Variants in TYW3 observed in about 807,000 individuals in gnomAD.
The protein encoded by TYW3 is tRNA wybutosine-synthesizing protein 3 homolog.
TYW3 carries 26 observed loss-of-function variants against 23.1 expected under a neutral mutation model. The ratio of observed to expected loss-of-function variants is 1.13; its 90% CI spans 0.83 to 1.56. The LOEUF is 1.56. Among genes scored for constraint, TYW3 ranks in the 40% most tolerant of loss-of-function variants. The probability of loss-of-function intolerance (pLI) is 0.00; values close to 1 mark genes in which losing one functional copy is unlikely to be tolerated. For missense variants in TYW3, 316 were observed against 311.9 expected (o/e 1.01, Z -0.10); for synonymous variants, 102 against 105.7 (o/e 0.97, Z 0.21).
intron 4 of TYW3, among the ~76,000 whole-genome samples, chr1:74,749,071 C>T (rs554741309): frequency 6.6e-6 from 1 of 152,292 alleles, no homozygotes; most frequent in South Asian, 2.1e-4. Flanking sequence ...CCCTCCTCAT[C>T]CTAAGTAGGC....
chr1:74,739,290 T>C (rs1232045184), intron 3 of TYW3, among the ~76,000 whole-genome samples: 1 of 152,154 alleles, frequency 6.6e-6, no homozygotes, highest in Non-Finnish European at 1.5e-5. Context: ...GGCACAGTGA[T>C]GAACAAGATT....
chr1:74,744,866 G>A (rs1005511337), intron 3 of TYW3, among the ~76,000 whole-genome samples: 8 of 152,234 alleles, frequency 5.3e-5, no homozygotes, highest in Non-Finnish European at 1.0e-4. Flanking sequence ...ACAGACCTTC[G>A]CAGTGAGTGT....
rs944073240 is a variant in TYW3 at position 74,766,168 on chromosome 1, T to A, written c.*2055T>A. 1 of 152,024 alleles carries A rather than the reference T, an allele frequency of 6.6e-6. No individual in the cohort carries two copies. Among genetic ancestry groups the A allele is most frequent in the Non-Finnish European group, 1.5e-5 (1 of 67,918 alleles). 9.4% of individuals were successfully genotyped at this position (152,024 alleles called of 1,614,324 possible). On this transcript the variant is annotated 3_prime_UTR_variant, in exon 6 of 6. Coordinates refer to ENST00000370867, the MANE Select transcript of TYW3 (RefSeq NM_138467.3). Reference sequence around the variant, plus strand: ...GACAGTCATATAAAAGTATGGTACATATAATTATGTACAGTGCATACATAA... The same window carrying A: ...GACAGTCATATAAAAGTATGGTACAAATAATTATGTACAGTGCATACATAA...
At chr1:74,747,703 A>G (rs117986980) in intron 3 of TYW3, among the ~76,000 whole-genome samples, 2,092 of 151,526 alleles carry the variant, frequency 0.014, 24 homozygotes, top group East Asian at 0.055. Context: ...ATGTATACAT[A>G]TGTGTGTGTG....
intron 3 of TYW3, among the ~76,000 whole-genome samples, chr1:74,739,962 CT>C (rs1186816886): frequency 5.3e-5 from 8 of 152,296 alleles, no homozygotes; most frequent in African/African-American, 1.9e-4. Context: ...AGGATAACTA[CT>C]TAGGTCTGGC....
chr1:74,763,324 G>C (rs1649189862), intron 5 of TYW3, among the ~76,000 whole-genome samples: 1 of 151,954 alleles, frequency 6.6e-6, no homozygotes, highest in Non-Finnish European at 1.5e-5. Context: ...TTGTATCAGG[G>C]AAAATTTGAA....
At chr1:74,744,994 G>T (rs1454878112) in intron 3 of TYW3, among the ~76,000 whole-genome samples, 1 of 152,276 alleles carries the variant, frequency 6.6e-6, no homozygotes, top group African/African-American at 2.4e-5. Context: ...GCTCTTAAAG[G>T]TGGCGCGTCC....
intron 5 of TYW3, among the ~76,000 whole-genome samples, chr1:74,756,215 C>T (rs1449703493): frequency 1.3e-5 from 2 of 152,050 alleles, no homozygotes; most frequent in Non-Finnish European, 1.5e-5. Context: ...TGGGGCACTG[C>T]GGAAAAGATA....
Position 74,755,572 on chromosome 1 carries a change from A to G in TYW3, c.560+3147A>G, listed in dbSNP as rs112259220. Among the ~76,000 whole-genome samples, 1,219 of 152,288 alleles carry G rather than the reference A, an allele frequency of 8.0e-3. 21 individuals carry two copies. The highest frequency in any genetic ancestry group is 0.027 in the African/African-American group (1,142 of 41,550). On this transcript the variant is annotated intron_variant, in intron 5 of 5. Coordinates refer to ENST00000370867, the MANE Select transcript of TYW3 (RefSeq NM_138467.3). ...TAGACTGAATTTTGTTTATTCATTG[A>G]TGTGTCAATGGACATTTAAGGTGTC...
intron 5 of TYW3, among the ~76,000 whole-genome samples, chr1:74,760,455 C>T (rs1048832574): frequency 3.9e-5 from 6 of 152,120 alleles, no homozygotes; most frequent in African/African-American, 1.4e-4. Flanking sequence ...CCCCCATGCC[C>T]CCATCTTTTT....
chr1:74,744,008 T>C (rs879172004), intron 3 of TYW3, among the ~76,000 whole-genome samples: 1 of 152,080 alleles, frequency 6.6e-6, no homozygotes, highest in African/African-American at 2.4e-5. Context: ...TTGGGCCAAA[T>C]TCCCCTCCCG....
intron 3 of TYW3, among the ~76,000 whole-genome samples, chr1:74,744,495 C>G (rs568601445): frequency 6.6e-6 from 1 of 152,124 alleles, no homozygotes; most frequent in Non-Finnish European, 1.5e-5. Context: ...GTTTGGCTGA[C>G]AGGTGTCTGG....
In TYW3 at chr1:74,765,492, T is replaced by G. The variant is rs1367250397; in HGVS notation, c.*1379T>G. 1 of 152,110 alleles carries G rather than the reference T, an allele frequency of 6.6e-6. No homozygotes were observed. The highest frequency in any genetic ancestry group is 1.5e-5 in the Non-Finnish European group (1 of 68,020). 9.4% of individuals were successfully genotyped at this position (152,110 alleles called of 1,614,324 possible). A position where few individuals can be genotyped will look rare whatever the true frequency, so the allele number is the denominator to read the frequency against. ...GTGCACATTCTTATCTACCAACATA[T>G]ACAGCAGTCCTTCTGGGAAGGAAAT... On this transcript the variant is annotated 3_prime_UTR_variant, in exon 6 of 6. Coordinates refer to ENST00000370867, the MANE Select transcript of TYW3 (RefSeq NM_138467.3).
At position 74,763,924 on chromosome 1, in the gene TYW3, A is replaced by C; in HGVS notation, c.591A>C (p.Glu197Asp). The C allele has an allele frequency of 6.2e-7, 1 of 1,604,320 alleles. No individual in the cohort carries two copies. Among genetic ancestry groups the C allele is most frequent in the South Asian group, 1.1e-5 (1 of 88,326 alleles). ...ACAACTGCCTACAGCATGCTTTGGA[A>C]AGGGAAACGATGACTAACTTACATC... ...RFYNCLQHAL[E>D]RETMTNLHPK... The change falls in exon 6 of 6, where the codon GAA becomes GAC. Residue 197 changes from glutamate (E) to aspartate (D), a missense_variant. Glu to Asp is a conservative substitution (Grantham distance 45, BLOSUM62 2). Coordinates refer to ENST00000370867, the MANE Select transcript of TYW3 (RefSeq NM_138467.3).
At chr1:74,761,592 C>T (rs990824789) in intron 5 of TYW3, 2 of 151,810 alleles carry the variant, frequency 1.3e-5, no homozygotes, top group Admixed American at 6.6e-5. Context: ...TCAGGATGAG[C>T]CACACCATCT....
intron 3 of TYW3, among the ~76,000 whole-genome samples, chr1:74,748,367 T>C (rs948867312): frequency 2.0e-5 from 3 of 152,242 alleles, no homozygotes; most frequent in Non-Finnish European, 4.4e-5. Flanking sequence ...TTTTAAGCAA[T>C]AGAAGGGATA....
intron 3 of TYW3, among the ~76,000 whole-genome samples, chr1:74,739,578 G>A (rs1322801877): frequency 6.6e-6 from 1 of 152,188 alleles, no homozygotes; most frequent in East Asian, 1.9e-4. Context: ...AGTTTCAGTG[G>A]GTCTAGAGAG....
intron 2 of TYW3, among the ~76,000 whole-genome samples, chr1:74,736,887 A>G (rs983575715): frequency 6.6e-6 from 1 of 152,234 alleles, no homozygotes; most frequent in Admixed American, 6.5e-5. Flanking sequence ...ATTGGATCCA[A>G]ATTTTGAATT....
intron 5 of TYW3, among the ~76,000 whole-genome samples, chr1:74,763,254 T>A (rs577560354): frequency 6.6e-6 from 1 of 152,224 alleles, no homozygotes; most frequent in South Asian, 2.1e-4. Context: ...GGTGTCTATA[T>A]AAAGAAATGG....
Sources: allele counts gnomAD v4.1 joint callset (sites outside exome capture counted in the v4.1 genomes callset), GRCh38; gene constraint gnomAD v4.1.1; transcripts MANE v1.5; gene names NCBI Gene and HGNC (gene_info 2026-07-23, HGNC 2026-07-21).